The following NEDD4L variants were observed in gnomAD, a reference collection of about 807,000 sequenced individuals.
NEDD4L encodes the protein E3 ubiquitin-protein ligase NEDD4-like.
NEDD4L carries 54 observed loss-of-function variants against 148.9 expected under a neutral mutation model. That is an observed-to-expected ratio of 0.36 (90% CI 0.29 to 0.45). The LOEUF is 0.45. NEDD4L is among the 20% of genes least tolerant of loss of function. The probability of loss-of-function intolerance (pLI) is 1.00; values close to 1 mark genes in which losing one functional copy is unlikely to be tolerated. For synonymous variants in NEDD4L, 433 were observed against 440.7 expected, an observed-to-expected ratio of 0.98 and a Z score of 0.22; for missense variants, 856 against 1,233.8, an observed-to-expected ratio of 0.69 and a Z score of 4.59.
Position 58,379,111 on chromosome 18 carries a change from G to A in NEDD4L, c.2353-4135G>A, listed in dbSNP as rs148856559. On this transcript the variant is annotated intron_variant, in intron 24 of 30. Coordinates refer to ENST00000400345, the MANE Select transcript of NEDD4L (RefSeq NM_001144967.3). ...ATGGCCCAGAAAGCCCTGGGAGGGC[G>A]GGGTGTGCGTTTCGTGGCTGAAGGT... 3.1e-3 allele frequency among the ~76,000 whole-genome samples: 467 copies of A among 152,358 alleles called. 1 individual carries two copies. The highest frequency in any genetic ancestry group is 0.011 in the African/African-American group (446 of 41,590).
intron 18 of NEDD4L, among the ~76,000 whole-genome samples, chr18:58,355,373 G>GT (rs1396336305): frequency 3.3e-5 from 5 of 152,218 alleles, no homozygotes; most frequent in African/African-American, 1.2e-4. Flanking sequence ...CAATTTTGGT[G>GT]TTGGGTGATC....
At chr18:58,180,355 T>C (rs967991812) in intron 2 of NEDD4L, among the ~76,000 whole-genome samples, 1 of 152,134 alleles carries the variant, frequency 6.6e-6, no homozygotes, top group Admixed American at 6.5e-5. Flanking sequence ...CCTGTGCAGG[T>C]CTCTGTGGTG....
intron 1 of NEDD4L, among the ~76,000 whole-genome samples, chr18:58,155,667 G>A (rs1203909363): frequency 1.3e-5 from 2 of 152,202 alleles, no homozygotes; most frequent in Admixed American, 1.3e-4. Context: ...TCCTAAATGT[G>A]CAGCCAGGAA....
At chr18:58,214,800 A>ATTTTTT (rs60043101) in intron 2 of NEDD4L, among the ~76,000 whole-genome samples, 3 of 123,364 alleles carry the variant, frequency 2.4e-5, no homozygotes, top group Admixed American at 8.5e-5. Context: ...TCTTTCTTTC[A>ATTTTTT]TTTTTTTTTT....
chr18:58,118,541 G>A, intron 1 of NEDD4L, among the ~76,000 whole-genome samples: 1 of 152,088 alleles, frequency 6.6e-6, no homozygotes, highest in East Asian at 1.9e-4. Flanking sequence ...TTCAGTGCTC[G>A]CCACTCTAGG....
chr18:58,367,800 T>C lies in NEDD4L; in HGVS notation c.2118T>C (p.His706=). The change falls in exon 22 of 31, where the codon CAT becomes CAC. Residue 706 remains histidine, a synonymous_variant. Transcript: ENST00000400345. ...NPNSGLCNED[H]LSYFTFIGRV... is the part of the protein sequence containing the mutation. Reference sequence around the variant, plus strand: ...ATTCAGGCCTCTGTAATGAGGATCATTTGTCCTACTTCACTTTTATTGGAA... The same window carrying C: ...ATTCAGGCCTCTGTAATGAGGATCACTTGTCCTACTTCACTTTTATTGGAA... 3.1e-6 allele frequency: 5 copies of C among 1,613,816 alleles called. No homozygotes were observed. Among genetic ancestry groups the C allele is most frequent in the Non-Finnish European group, 3.4e-6 (4 of 1,179,680 alleles).
At chr18:58,179,154 A>T (rs2038525152) in intron 2 of NEDD4L, among the ~76,000 whole-genome samples, 1 of 152,226 alleles carries the variant, frequency 6.6e-6, no homozygotes, top group South Asian at 2.1e-4. Context: ...ATTTTCAAAT[A>T]TCTTTCTTCC....
chr18:58,123,667 G>A (rs1237803010), intron 1 of NEDD4L, among the ~76,000 whole-genome samples: 3 of 152,088 alleles, frequency 2.0e-5, no homozygotes, highest in Non-Finnish European at 4.4e-5. Flanking sequence ...CAGTTTCATC[G>A]GTTCAGAGAA....
chr18:58,238,269 TC>T (rs1402269345), intron 2 of NEDD4L, among the ~76,000 whole-genome samples: 1 of 152,236 alleles, frequency 6.6e-6, no homozygotes, highest in African/African-American at 2.4e-5. Context: ...TCAGTAGTCA[TC>T]TATTTAGGTC....
chr18:58,114,169 A>G (rs1161511819), intron 1 of NEDD4L, among the ~76,000 whole-genome samples: 1 of 152,196 alleles, frequency 6.6e-6, no homozygotes, highest in Non-Finnish European at 1.5e-5. Context: ...TGACCCTTCC[A>G]TCATTACAAT....
chr18:58,198,798 C>G (rs1221134462), intron 2 of NEDD4L, among the ~76,000 whole-genome samples: 1 of 152,110 alleles, frequency 6.6e-6, no homozygotes, highest in Non-Finnish European at 1.5e-5. Context: ...TTTTTGGCTT[C>G]TTTGTTTTTT....
At chr18:58,245,574 T>A in intron 3 of NEDD4L, 66 bp downstream of exon 3, 1 of 843,878 alleles carries the variant, frequency 1.2e-6, no homozygotes, top group Non-Finnish European at 1.9e-6. Context: ...CACAGTCATG[T>A]GCTGCTTAAC....
intron 2 of NEDD4L, among the ~76,000 whole-genome samples, chr18:58,170,099 CCT>C (rs1177737964): frequency 2.0e-5 from 3 of 152,136 alleles, no homozygotes; most frequent in Non-Finnish European, 4.4e-5. Context: ...GTTCTTCCTC[CCT>C]CTCTCCTTCC....
intron 1 of NEDD4L, among the ~76,000 whole-genome samples, chr18:58,050,678 T>G (rs1402007500): frequency 1.3e-5 from 2 of 152,088 alleles, no homozygotes; most frequent in African/African-American, 4.8e-5. Context: ...GGAGAATTGC[T>G]TGAACCTGGG....
At chr18:58,287,108 T>G (rs2054029781) in intron 5 of NEDD4L, among the ~76,000 whole-genome samples, 1 of 151,918 alleles carries the variant, frequency 6.6e-6, no homozygotes. Flanking sequence ...TTTTTTTTTT[T>G]GTTTTTTTCT....
intron 1 of NEDD4L, among the ~76,000 whole-genome samples, chr18:58,122,210 T>G (rs112503770): frequency 4.3e-4 from 66 of 152,290 alleles, no homozygotes; most frequent in African/African-American, 1.5e-3. Flanking sequence ...TGTCTAAAAC[T>G]CAATCTAGGC....
intron 1 of NEDD4L, among the ~76,000 whole-genome samples, chr18:58,064,401 A>G (rs2082498177): frequency 6.6e-6 from 1 of 151,962 alleles, no homozygotes; most frequent in African/African-American, 2.4e-5. Context: ...ATACCATTCA[A>G]ATTAATAGCA....
intron 1 of NEDD4L, among the ~76,000 whole-genome samples, chr18:58,156,487 C>T (rs963231981): frequency 6.6e-6 from 1 of 152,140 alleles, no homozygotes; most frequent in Non-Finnish European, 1.5e-5. Context: ...TGATCTTGTG[C>T]AGTTCTTCTT....
At chr18:58,234,065 C>CTT (rs1482137167) in intron 2 of NEDD4L, among the ~76,000 whole-genome samples, 2 of 86,414 alleles carry the variant, frequency 2.3e-5, no homozygotes, top group East Asian at 6.2e-4. Flanking sequence ...TTCTTTCTTT[C>CTT]TTTCTTTCTT....
Sources: allele counts gnomAD v4.1 joint callset (sites outside exome capture counted in the v4.1 genomes callset), GRCh38; gene constraint gnomAD v4.1.1; transcripts MANE v1.5; gene names NCBI Gene and HGNC (gene_info 2026-07-23, HGNC 2026-07-21).